The following NRG1 variants were observed in gnomAD, a reference collection of about 807,000 sequenced individuals.
NRG1 encodes the protein neuregulin 1.
In NRG1, 18 loss-of-function variants were observed where a neutral mutation model predicts 63.8. The observed-to-expected ratio is 0.28, with a 90% confidence interval of 0.19 to 0.42. The LOEUF (loss-of-function observed/expected upper bound fraction) is 0.42. Ranked by LOEUF, NRG1 falls within the 10% of genes least tolerant of loss-of-function variation. NRG1 has a pLI of 1.00. For synonymous variants in NRG1, 302 were observed against 301.3 expected (o/e 1.00, Z -0.02); for missense variants, 762 against 814.7 (o/e 0.94, Z 0.79).
intron 1 of NRG1, among the ~76,000 whole-genome samples, chr8:32,391,129 G>T (rs1173861734): frequency 4.6e-5 from 7 of 151,822 alleles, no homozygotes; most frequent in South Asian, 4.2e-4. Flanking sequence ...TCCTTTTTTG[G>T]GGGGAGGGGG....
rs1347551866 is a variant in NRG1 at position 31,852,367 on chromosome 8, G to A, written c.37+212936G>A. ...CATTTCTCTGATGGCCAGTGATGGT[G>A]AGCATTTTTTCATGTGTTTTTTGGC... On this transcript the variant is annotated intron_variant, in intron 1 of 10. Transcript: ENST00000519301. Among the ~76,000 whole-genome samples the A allele has an allele frequency of 7.2e-5, 11 of 151,890 alleles. No homozygotes were observed. In the South Asian group the frequency reaches 1.0e-3, roughly 14 times the overall value.
At chr8:31,911,314 G>A (rs188551343) in intron 1 of NRG1, among the ~76,000 whole-genome samples, 6 of 152,228 alleles carry the variant, frequency 3.9e-5, no homozygotes, top group Non-Finnish European at 7.4e-5. Context: ...ATTCAGAACA[G>A]CAAAGATGTG....
intron 1 of NRG1, among the ~76,000 whole-genome samples, chr8:32,253,185 A>C (rs968434267): frequency 1.3e-5 from 2 of 152,142 alleles, no homozygotes; most frequent in Non-Finnish European, 2.9e-5. Context: ...AATATACTTT[A>C]TTTCTTTCTC....
intron 1 of NRG1, among the ~76,000 whole-genome samples, chr8:31,934,370 T>C (rs1045414366): frequency 2.0e-5 from 3 of 151,348 alleles, no homozygotes; most frequent in African/African-American, 7.3e-5. Flanking sequence ...TATACATATA[T>C]ATATCTTTCT....
At chr8:31,761,672 T>C (rs1027171388) in intron 1 of NRG1, among the ~76,000 whole-genome samples, 2 of 152,244 alleles carry the variant, frequency 1.3e-5, no homozygotes, top group South Asian at 4.1e-4. Context: ...TTGACCATCT[T>C]GCGTGGGAGT....
intron 5 of NRG1, among the ~76,000 whole-genome samples, chr8:32,683,451 A>G (rs1015373948): frequency 2.0e-5 from 3 of 152,178 alleles, no homozygotes; most frequent in Non-Finnish European, 4.4e-5. Flanking sequence ...AAAGAGATGG[A>G]AAGGGTGGAA....
chr8:32,234,788 A>AGG (rs1847359000), intron 1 of NRG1, among the ~76,000 whole-genome samples: 1 of 152,258 alleles, frequency 6.6e-6, no homozygotes, highest in East Asian at 1.9e-4. Flanking sequence ...GTCATTACTG[A>AGG]CCAACTGTGT....
At chr8:32,765,123 G>A (rs1199618199) in exon 12 of NRG1, 1 of 152,040 alleles carries the variant, frequency 6.6e-6, no homozygotes, top group Non-Finnish European at 1.5e-5. Flanking sequence ...TTGACAAAAA[G>A]CAACAGTTTT....
chr8:32,232,621 A>C (rs1262003701), intron 1 of NRG1, among the ~76,000 whole-genome samples: 1 of 152,176 alleles, frequency 6.6e-6, no homozygotes, highest in East Asian at 1.9e-4. Context: ...TGAATTAGCA[A>C]ACATTCTCAT....
chr8:32,765,323 G>A (rs1192948226), exon 12 of NRG1: 1 of 152,144 alleles, frequency 6.6e-6, no homozygotes, highest in Non-Finnish European at 1.5e-5. Flanking sequence ...CTAGTGATTG[G>A]TTGTGTCTTC....
chr8:32,605,512 G>A (rs1176205407), intron 2 of NRG1, 50 bp from the exon 3 acceptor site: 2 of 1,604,198 alleles, frequency 1.2e-6, no homozygotes, highest in East Asian at 2.2e-5. Context: ...ATTTATATTT[G>A]TTGGATTTCT....
At chr8:32,095,230 T>C (rs1829746873) in intron 1 of NRG1, among the ~76,000 whole-genome samples, 1 of 152,118 alleles carries the variant, frequency 6.6e-6, no homozygotes, top group Non-Finnish European at 1.5e-5. Context: ...TTTTTTGATG[T>C]CAGTTATGGG....
chr8:31,670,444 A>C (rs946211174), intron 1 of NRG1, among the ~76,000 whole-genome samples: 1 of 152,198 alleles, frequency 6.6e-6, no homozygotes, highest in Non-Finnish European at 1.5e-5. Context: ...ACCTCATAAA[A>C]TAAGTATTCC....
In NRG1 at chr8:32,587,431, A is replaced by G. The variant is rs1476055837; in HGVS notation, c.101-8397A>G. Among the ~76,000 whole-genome samples, 3 of 152,292 alleles carry G rather than the reference A, an allele frequency of 2.0e-5. No homozygotes were observed. In the East Asian group the frequency reaches 5.8e-4, roughly 29 times the overall value. ...AGAACATGAAAACTTCAAAGTAAAG[A>G]TAATACGACTTACTTGACAATTTTC... is the stretch of plus-strand genomic sequence containing the variant. On this transcript the variant is annotated intron_variant, in intron 1 of 11. Coordinates refer to ENST00000356819, the Ensembl canonical transcript of NRG1.
exon 12 of NRG1, chr8:32,764,257 A>G (rs1589664718): frequency 6.2e-7 from 1 of 1,613,812 alleles, no homozygotes; most frequent in Middle Eastern, 1.7e-4. Flanking sequence ...GGCATACAGA[A>G]CCCCCTGGCA....
intron 1 of NRG1, among the ~76,000 whole-genome samples, chr8:32,078,884 C>T (rs960843399): frequency 2.6e-5 from 4 of 152,160 alleles, no homozygotes; most frequent in Admixed American, 6.5e-5. Context: ...CCAGCTGGCT[C>T]GCGCTATTCT....
chr8:31,988,715 T>G (rs945030342), intron 1 of NRG1, among the ~76,000 whole-genome samples: 3 of 152,108 alleles, frequency 2.0e-5, no homozygotes, highest in African/African-American at 7.2e-5. Flanking sequence ...GCAGCTGCAG[T>G]GAGGCCAGAG....
chr8:31,976,757 G>A (rs1291946346), intron 1 of NRG1, among the ~76,000 whole-genome samples: 3 of 152,010 alleles, frequency 2.0e-5, no homozygotes, highest in Non-Finnish European at 4.4e-5. Context: ...CTAAAGTGAA[G>A]TGAAACAGAC....
chr8:32,734,300 A>C (rs1216907700), intron 6 of NRG1, among the ~76,000 whole-genome samples: 1 of 152,212 alleles, frequency 6.6e-6, no homozygotes, highest in African/African-American at 2.4e-5. Context: ...TAATTAAACA[A>C]GGGGGCAACG....
Sources: allele counts gnomAD v4.1 joint callset (sites outside exome capture counted in the v4.1 genomes callset), GRCh38; gene constraint gnomAD v4.1.1; transcripts MANE v1.5; gene names NCBI Gene and HGNC (gene_info 2026-07-23, HGNC 2026-07-21).